Variants in VPS37A observed in about 807,000 individuals in gnomAD.
VPS37A encodes the protein vacuolar protein sorting-associated protein 37A.
A neutral mutation model predicts 49.8 loss-of-function variants in VPS37A; 30 were observed. The ratio of observed to expected loss-of-function variants is 0.60; its 90% CI spans 0.45 to 0.82. The LOEUF (loss-of-function observed/expected upper bound fraction) is 0.82, where lower values mean the gene tolerates loss of function less well. Among genes scored for constraint, VPS37A ranks in the 40% least tolerant of loss-of-function variants. VPS37A has a pLI of 0.00. For missense variants in VPS37A, 593 were observed against 464.4 expected, an observed-to-expected ratio of 1.28 and a Z score of -2.55; for synonymous variants, 195 against 160.6, an observed-to-expected ratio of 1.21 and a Z score of -1.62.
rs139632571 is a variant in VPS37A at position 17,264,180 on chromosome 8, A to T, written c.126-1727A>T. Among the ~76,000 whole-genome samples, 119 of 152,278 alleles carry T rather than the reference A, an allele frequency of 7.8e-4. 1 individual carries two copies. Among genetic ancestry groups the T allele is most frequent in the Middle Eastern group, 3.4e-3 (1 of 294 alleles). ...CTTAACTTACCCATGACAGTAAATAAATGGTAAAGACAGGATTTGAACCCA... is the reference window on the plus strand; with the variant it reads ...CTTAACTTACCCATGACAGTAAATATATGGTAAAGACAGGATTTGAACCCA... On this transcript the variant is annotated intron_variant, in intron 1 of 11. Transcript: ENST00000324849.
At chr8:17,322,099 C>G in the VPS37A span, among the ~76,000 whole-genome samples, 1 of 150,770 alleles carries the variant, frequency 6.6e-6, no homozygotes, top group Non-Finnish European at 1.5e-5. Context: ...ACAGCCCTCC[C>G]TTGATTACCA....
At chr8:17,247,911 A>T in intron 1 of VPS37A, 1 of 626,388 alleles carries the variant, frequency 1.6e-6, no homozygotes, top group Non-Finnish European at 2.9e-6. Context: ...CTGTTGGAGC[A>T]GTCTCTCCCC....
chr8:17,249,705 GAAAAGGTGTGATATTTTTTCTC>G (rs2150341234), intron 1 of VPS37A, among the ~76,000 whole-genome samples: 1 of 152,286 alleles, frequency 6.6e-6, no homozygotes, highest in South Asian at 2.1e-4. Flanking sequence ...TGTAAAGATG[GAAAAGGTGTGATATTTTTTCTC>G]ATCAGTCATA....
downstream of VPS37A, among the ~76,000 whole-genome samples, chr8:17,305,494 C>G (rs1220208665): frequency 6.6e-6 from 1 of 152,094 alleles, no homozygotes. Context: ...CCAGAAAATT[C>G]CCTTTCGATA....
downstream of VPS37A, chr8:17,304,480 C>G: frequency 6.2e-7 from 1 of 1,613,970 alleles, no homozygotes; most frequent in African/African-American, 1.3e-5. Context: ...CCCGATTCTT[C>G]CACAGGTGAG....
intron 11 of VPS37A, among the ~76,000 whole-genome samples, chr8:17,290,614 A>T (rs756370620): frequency 6.6e-6 from 1 of 152,224 alleles, no homozygotes; most frequent in African/African-American, 2.4e-5. Context: ...ATTGATGTTC[A>T]TCAGGGATAT....
intron 1 of VPS37A, among the ~76,000 whole-genome samples, chr8:17,255,356 C>A (rs1041101633): frequency 1.3e-5 from 2 of 152,100 alleles, no homozygotes; most frequent in Non-Finnish European, 2.9e-5. Context: ...TAGCAGGCGC[C>A]TGTAATCCCA....
chr8:17,328,690 C>A, the VPS37A span, among the ~76,000 whole-genome samples: 5 of 152,088 alleles, frequency 3.3e-5, no homozygotes, highest in African/African-American at 1.2e-4. Flanking sequence ...TATGTACATC[C>A]TGCACATACC....
chr8:17,287,385 T>A (rs991468914), intron 11 of VPS37A, among the ~76,000 whole-genome samples: 2 of 152,066 alleles, frequency 1.3e-5, no homozygotes, highest in Non-Finnish European at 2.9e-5. Context: ...TTTTTTAAAA[T>A]TTTTTCTGGC....
chr8:17,289,072 T>C (rs1483819498), intron 11 of VPS37A, among the ~76,000 whole-genome samples: 2 of 152,216 alleles, frequency 1.3e-5, no homozygotes, highest in Admixed American at 1.3e-4. Context: ...ATTTTTCTTG[T>C]AAATTTAAGT....
the VPS37A span, among the ~76,000 whole-genome samples, chr8:17,330,986 A>G: frequency 6.6e-6 from 1 of 152,256 alleles, no homozygotes; most frequent in Non-Finnish European, 1.5e-5. Context: ...ATGCTTACAA[A>G]TAAGAGAAAC....
At chr8:17,263,379 T>C (rs1357178734) in intron 1 of VPS37A, among the ~76,000 whole-genome samples, 2 of 152,216 alleles carry the variant, frequency 1.3e-5, no homozygotes, top group Non-Finnish European at 2.9e-5. Flanking sequence ...AAACAAGTAC[T>C]TATCTGTTGT....
At chr8:17,320,171 A>C in the VPS37A span, among the ~76,000 whole-genome samples, 1 of 152,030 alleles carries the variant, frequency 6.6e-6, no homozygotes, top group Non-Finnish European at 1.5e-5. Flanking sequence ...TTTTCTTTTT[A>C]CTTTTAATGT....
At chr8:17,277,466 G>A (rs1176154747) in intron 6 of VPS37A, among the ~76,000 whole-genome samples, 1 of 151,842 alleles carries the variant, frequency 6.6e-6, no homozygotes, top group Non-Finnish European at 1.5e-5. Context: ...TCCATCATGT[G>A]GCAACAACAG....
At chr8:17,288,819 A>G (rs1414782177) in intron 11 of VPS37A, among the ~76,000 whole-genome samples, 1 of 152,198 alleles carries the variant, frequency 6.6e-6, no homozygotes, top group East Asian at 1.9e-4. Flanking sequence ...TGGTTGAACT[A>G]ATTTACACTC....
Position 17,295,183 on chromosome 8 carries a change from A to G in VPS37A, c.*197A>G, listed in dbSNP as rs1410051517. ...GATCTTTGAGAAATTTTTCTGCACTATTTGCACTGAAATGTTTATTTATTG... is the reference window on the plus strand; with the variant it reads ...GATCTTTGAGAAATTTTTCTGCACTGTTTGCACTGAAATGTTTATTTATTG... On this transcript the variant is annotated 3_prime_UTR_variant, in exon 12 of 12. Transcript: ENST00000324849. 6.6e-6 allele frequency: 1 copy of G among 152,616 alleles called. No homozygotes were observed. Among genetic ancestry groups the G allele is most frequent in the Non-Finnish European group, 1.5e-5 (1 of 68,034 alleles). The allele number at this position is 152,616 out of a possible 1,614,324, so 9.5% of individuals were successfully genotyped here.
the VPS37A span, among the ~76,000 whole-genome samples, chr8:17,322,162 G>T: frequency 2.6e-5 from 4 of 152,046 alleles, no homozygotes; most frequent in African/African-American, 9.7e-5. Context: ...TCCCATTTTG[G>T]AGTCATGAAG....
At chr8:17,258,397 C>T (rs1211520174) in intron 1 of VPS37A, among the ~76,000 whole-genome samples, 1 of 152,072 alleles carries the variant, frequency 6.6e-6, no homozygotes, top group Non-Finnish European at 1.5e-5. Flanking sequence ...TTGAAACAAT[C>T]ATTTGTTTTT....
At chr8:17,257,502 G>C (rs1334423002) in intron 1 of VPS37A, among the ~76,000 whole-genome samples, 1 of 152,116 alleles carries the variant, frequency 6.6e-6, no homozygotes. Context: ...GGGGCGTTAG[G>C]GGAGGGATAG....
Sources: gnomAD v4.1 joint callset for allele counts (sites outside exome capture counted in the v4.1 genomes callset) on GRCh38, gnomAD v4.1.1 for gene constraint, MANE v1.5 for transcripts, NCBI Gene and HGNC (gene_info 2026-07-23, HGNC 2026-07-21) for gene names.